TENM1: variants seen among roughly 807,000 people sequenced by gnomAD.
TENM1 encodes the protein teneurin-1.
Under a neutral mutation model 174.8 loss-of-function variants are expected in TENM1, and 35 were observed. That is an observed-to-expected ratio of 0.20 (90% CI 0.15 to 0.27). The LOEUF is 0.27. TENM1 is among the 10% of genes least tolerant of loss of function. The pLI, the probability that TENM1 is intolerant of heterozygous loss-of-function variation, is 1.00. For synonymous variants in TENM1, 781 were observed against 798.7 expected, an observed-to-expected ratio of 0.98 and a Z score of 0.37; for missense variants, 1,633 against 2,130.1, an observed-to-expected ratio of 0.77 and a Z score of 4.59.
chrX:125,082,722 G>C, the TENM1 span, among the ~76,000 whole-genome samples: 1 of 110,803 alleles, frequency 9.0e-6, no homozygotes, highest in Non-Finnish European at 1.9e-5. Flanking sequence ...TTGTCCCCTT[G>C]TCTAAGTTTA....
At chrX:125,132,964 TTTC>T in the TENM1 span, among the ~76,000 whole-genome samples, 8 of 111,285 alleles carry the variant, frequency 7.2e-5, no homozygotes, top group East Asian at 2.8e-4. Flanking sequence ...CCATTTCTCC[TTTC>T]TTCTTCTTCT....
chrX:124,900,791 C>CTTTT (rs370775010), intron 1 of TENM1, among the ~76,000 whole-genome samples: 1 of 98,235 alleles, frequency 1.0e-5, no homozygotes, highest in African/African-American at 3.8e-5. Context: ...TCTTCTTCTT[C>CTTTT]TTTTTTTTTT....
At chrX:124,569,786 C>G (rs141607398) in intron 11 of TENM1, among the ~76,000 whole-genome samples, 1,244 of 111,142 alleles carry the variant, frequency 0.011, 14 homozygotes, top group African/African-American at 0.037. Flanking sequence ...AGCTGAAAAA[C>G]CATGACCTAA....
intron 3 of TENM1, among the ~76,000 whole-genome samples, chrX:124,890,950 A>T (rs955645641): frequency 2.7e-5 from 3 of 112,146 alleles, no homozygotes; most frequent in Non-Finnish European, 5.6e-5. Context: ...TATACATAAT[A>T]TAATATTATT....
the TENM1 span, among the ~76,000 whole-genome samples, chrX:125,154,162 C>G: frequency 8.9e-5 from 10 of 111,863 alleles, no homozygotes; most frequent in Non-Finnish European, 1.9e-4. Context: ...TACTATAGGA[C>G]AAAGTAATTA....
chrX:125,189,215 A>T, the TENM1 span, among the ~76,000 whole-genome samples: 1 of 111,619 alleles, frequency 9.0e-6, no homozygotes, highest in Admixed American at 9.5e-5. Flanking sequence ...TAATACATTG[A>T]TCTATGTCAG....
chrX:124,904,924 T>C (rs1045603988), intron 1 of TENM1, among the ~76,000 whole-genome samples: 1 of 111,819 alleles, frequency 8.9e-6, no homozygotes, highest in Non-Finnish European at 1.9e-5. Flanking sequence ...GAATTTATCA[T>C]CTCAGTAAGT....
chrX:124,945,344 G>A (rs1300349893), intron 1 of TENM1, among the ~76,000 whole-genome samples: 1 of 111,288 alleles, frequency 9.0e-6, no homozygotes, highest in East Asian at 2.8e-4. Context: ...TGTGTCCTCA[G>A]TGAGATGGCG....
chrX:124,876,647 T>C (rs1444913044), intron 3 of TENM1, among the ~76,000 whole-genome samples: 1 of 111,995 alleles, frequency 8.9e-6, no homozygotes, highest in East Asian at 2.8e-4. Flanking sequence ...TGTAGCAAAT[T>C]TTGCCTGTGA....
chrX:125,126,985 C>T, the TENM1 span, among the ~76,000 whole-genome samples: 5 of 111,352 alleles, frequency 4.5e-5, no homozygotes, highest in African/African-American at 9.8e-5. Context: ...ATTATTATTA[C>T]TATCAACACT....
At chrX:125,066,956 C>G in the TENM1 span, among the ~76,000 whole-genome samples, 1 of 111,412 alleles carries the variant, frequency 9.0e-6, no homozygotes, top group Non-Finnish European at 1.9e-5. Context: ...TGAGCTGACT[C>G]TTGGCATAGG....
At chrX:125,016,058 AT>A in the TENM1 span, among the ~76,000 whole-genome samples, 10 of 110,367 alleles carry the variant, frequency 9.1e-5, no homozygotes, top group East Asian at 2.8e-4. Flanking sequence ...TCCTCCAAAA[AT>A]TTTTTTTTAT....
At chrX:124,810,943 G>A (rs746112292) in intron 3 of TENM1, among the ~76,000 whole-genome samples, 3 of 111,487 alleles carry the variant, frequency 2.7e-5, no homozygotes, top group East Asian at 2.8e-4. Context: ...GGCACACAAC[G>A]GGGAAAAGAC....
chrX:124,891,736 A>G (rs1397622172), intron 3 of TENM1, among the ~76,000 whole-genome samples: 1 of 111,233 alleles, frequency 9.0e-6, no homozygotes, highest in Non-Finnish European at 1.9e-5. Context: ...AAATTAAATG[A>G]CCATTAGATC....
chrX:124,809,204 A>C (rs2147260362), intron 3 of TENM1, among the ~76,000 whole-genome samples: 1 of 111,932 alleles, frequency 8.9e-6, no homozygotes, highest in Admixed American at 9.4e-5. Context: ...CCTAGAAGAA[A>C]CGGATACACT....
intron 4 of TENM1, among the ~76,000 whole-genome samples, chrX:124,716,023 A>T (rs754052102): frequency 1.8e-5 from 2 of 112,288 alleles, no homozygotes; most frequent in East Asian, 5.6e-4. Context: ...CTTTTGAAGG[A>T]TCTTGATCAA....
At chrX:124,907,431 A>G (rs1404077561) in intron 1 of TENM1, among the ~76,000 whole-genome samples, 2 of 112,252 alleles carry the variant, frequency 1.8e-5, no homozygotes, top group Non-Finnish European at 3.8e-5. Context: ...TCTGGGCTCA[A>G]TGATAAAGTA....
At chrX:125,099,486 G>A in the TENM1 span, among the ~76,000 whole-genome samples, 2 of 112,132 alleles carry the variant, frequency 1.8e-5, no homozygotes, top group African/African-American at 6.5e-5. Flanking sequence ...TCAGAGAATG[G>A]ACCTTGTAAT....
intron 3 of TENM1, among the ~76,000 whole-genome samples, chrX:124,799,171 G>C (rs1354954657): frequency 9.0e-6 from 1 of 110,970 alleles, no homozygotes; most frequent in East Asian, 2.8e-4. Flanking sequence ...TTGGCTATAT[G>C]GGCTCTTTTT....
Sources: gnomAD v4.1 joint callset for allele counts (sites outside exome capture counted in the v4.1 genomes callset) on GRCh38, gnomAD v4.1.1 for gene constraint, MANE v1.5 for transcripts, NCBI Gene and HGNC (gene_info 2026-07-23, HGNC 2026-07-21) for gene names.